The following MYPN variants were observed in gnomAD, a reference collection of about 807,000 sequenced individuals.
MYPN encodes the protein myopalladin, also known as sarcomeric protein myopalladin, 145 kDa (MYOP).
A neutral mutation model predicts 129.4 loss-of-function variants in MYPN; 63 were observed. The observed-to-expected ratio is 0.49, with a 90% CI of 0.40 to 0.60. The LOEUF (loss-of-function observed/expected upper bound fraction) is 0.60, where lower values mean the gene tolerates loss of function less well. MYPN is among the 20% of genes least tolerant of loss of function. The pLI is 0.00. For synonymous variants in MYPN, 629 were observed against 600.9 expected (o/e 1.05, Z -0.68); for missense variants, 1,596 against 1,635.4 (o/e 0.98, Z 0.42).
intron 18 of MYPN, 53 bp from the exon 19 acceptor site, chr10:68,206,717 A>G: frequency 6.2e-7 from 1 of 1,613,114 alleles, no homozygotes. Flanking sequence ...AAATTTGACA[A>G]AGGCATTTCT....
intron 2 of MYPN, among the ~76,000 whole-genome samples, chr10:68,138,754 C>T (rs940673953): frequency 3.3e-5 from 5 of 152,132 alleles, no homozygotes; most frequent in African/African-American, 1.2e-4. Flanking sequence ...AACTAGCATT[C>T]CCCTTGCTCC....
intron 18 of MYPN, among the ~76,000 whole-genome samples, chr10:68,204,460 G>A (rs948358307): frequency 6.6e-6 from 1 of 152,156 alleles, no homozygotes; most frequent in Non-Finnish European, 1.5e-5. Flanking sequence ...AGTGGCTTAC[G>A]CCTGTAATCC....
In MYPN at chr10:68,193,971, G is replaced by A. The variant is rs999058052; in HGVS notation, c.2926-392G>A. The stretch of plus-strand genomic sequence containing the variant: ...TAAGTGCTGAGATCTGCAACTGCAG[G>A]AAACTTGAGCTTGTAAATAAGGTAA... On this transcript the variant is annotated intron_variant, in intron 13 of 19. Transcript: ENST00000358913. Among the ~76,000 whole-genome samples, 5 of 150,422 alleles carry A rather than the reference G, an allele frequency of 3.3e-5. No individual in the cohort carries two copies. In the East Asian group the frequency reaches 9.8e-4, roughly 29 times the overall value.
At chr10:68,154,775 G>A (rs1297140970) in intron 6 of MYPN, among the ~76,000 whole-genome samples, 1 of 152,186 alleles carries the variant, frequency 6.6e-6, no homozygotes, top group East Asian at 1.9e-4. Context: ...CCAGCATTAT[G>A]TTTGTGGTTA....
intron 1 of MYPN, among the ~76,000 whole-genome samples, chr10:68,092,160 G>GA (rs1172012520): frequency 6.6e-6 from 1 of 152,064 alleles, no homozygotes; most frequent in African/African-American, 2.4e-5. Flanking sequence ...GAAAACTGGT[G>GA]AAAAAAATTT....
At chr10:68,122,959 A>G (rs1300927569) in intron 2 of MYPN, among the ~76,000 whole-genome samples, 1 of 152,132 alleles carries the variant, frequency 6.6e-6, no homozygotes, top group African/African-American at 2.4e-5. Context: ...CATATAACCA[A>G]TATAAGAATT....
At chr10:68,182,458 TATATAAC>T (rs1337802473) in intron 12 of MYPN, among the ~76,000 whole-genome samples, 1 of 107,614 alleles carries the variant, frequency 9.3e-6, no homozygotes, top group African/African-American at 3.8e-5. Flanking sequence ...ATAACATATA[TATATAAC>T]ATATATACAC....
In MYPN at chr10:68,121,949, A is replaced by G. The variant is rs1272870798; in HGVS notation, c.511A>G (p.Lys171Glu). Residue 171 changes from lysine (K) to glutamate (E), a missense_variant, in exon 2 of 20, where the codon AAA (lysine) becomes GAA (glutamate). Physicochemically the swap from Lys to Glu is moderately conservative, Grantham distance 56. Transcript: ENST00000358913. Reference sequence around the variant, plus strand: ...CTCCCTTTTCAAATCCCACAGCTCCAAAAGGATTAGACCTCGTGCCTGCAA... The same window carrying G: ...CTCCCTTTTCAAATCCCACAGCTCCGAAAGGATTAGACCTCGTGCCTGCAA... The part of the protein sequence containing the change: ...LSSLFKSHSS[K>E]RIRPRACKNH... 1.2e-6 allele frequency: 2 copies of G among 1,614,244 alleles called. No individual in the cohort carries two copies. Among genetic ancestry groups the G allele is most frequent in the Non-Finnish European group, 1.7e-6 (2 of 1,180,038 alleles).
intron 2 of MYPN, among the ~76,000 whole-genome samples, chr10:68,127,609 A>G (rs765138998): frequency 2.6e-5 from 4 of 151,968 alleles, no homozygotes; most frequent in Non-Finnish European, 5.9e-5. Context: ...CTGGGATTAC[A>G]GGTGTGAGCC....
intron 7 of MYPN, 50 bp downstream of exon 7, chr10:68,158,677 A>G (rs1322905745): frequency 7.0e-6 from 9 of 1,292,296 alleles, no homozygotes; most frequent in Middle Eastern, 1.9e-4. Flanking sequence ...TTATGAACTT[A>G]TTGTACACAC....
At chr10:68,151,235 G>A (rs1277063825) in intron 6 of MYPN, among the ~76,000 whole-genome samples, 1 of 152,208 alleles carries the variant, frequency 6.6e-6, no homozygotes, top group Non-Finnish European at 1.5e-5. Flanking sequence ...TCCATTTCAT[G>A]GGAGCTCTGC....
At position 68,158,242 on chromosome 10, in the gene MYPN, T is replaced by C. The variant is rs2042914397; in HGVS notation, c.1318-244T>C. The C allele has an allele frequency of 2.1e-5, 10 of 480,790 alleles. No homozygotes were observed. The East Asian group carries it at 3.8e-4, about 18-fold the overall frequency. The allele number at this position is 480,790 out of a possible 1,614,324, so 29.8% of individuals were successfully genotyped here. On this transcript the variant is annotated intron_variant, in intron 6 of 19. Coordinates refer to ENST00000358913, the MANE Select transcript of MYPN (RefSeq NM_032578.4). Reference sequence around the variant, plus strand: ...AGTGGAAGAAGATGACCATCCCTGATAGAGGAGGACCAATCTTAGGTCAAG... The same window carrying C: ...AGTGGAAGAAGATGACCATCCCTGACAGAGGAGGACCAATCTTAGGTCAAG...
upstream of MYPN, chr10:68,109,452 C>T (rs933438088): frequency 2.7e-5 from 12 of 451,480 alleles, no homozygotes; most frequent in African/African-American, 4.0e-5. Context: ...TTCACAGGCA[C>T]ATGGTTTATA....
At chr10:68,170,440 A>G (rs552058937) in intron 10 of MYPN, among the ~76,000 whole-genome samples, 21 of 152,200 alleles carry the variant, frequency 1.4e-4, no homozygotes, top group Admixed American at 5.9e-4. Flanking sequence ...ATACACATAC[A>G]CCACACCCTT....
In MYPN at chr10:68,211,016, A is replaced by G; in HGVS notation, c.*561A>G. 1 of 454,122 alleles carries G rather than the reference A, an allele frequency of 2.2e-6. No individual in the cohort carries two copies. The highest frequency in any genetic ancestry group is 4.4e-6 in the Non-Finnish European group (1 of 226,800). 28.1% of individuals were successfully genotyped at this position (454,122 alleles called of 1,614,324 possible). On this transcript the variant is annotated 3_prime_UTR_variant, in exon 20 of 20. Coordinates refer to ENST00000358913, the MANE Select transcript of MYPN (RefSeq NM_032578.4). ...ATGCGGGCAAACACTTTTGATTTGC[A>G]TATCCTGGGTGTACTGAGCCACATA...
At position 68,166,434 on chromosome 10, in the gene MYPN, G is replaced by A. The variant is rs1464184643; in HGVS notation, c.1741G>A (p.Val581Ile). Residue 581 changes from valine to isoleucine, a missense_variant, in exon 10 of 20, where the codon GTT becomes ATT. Val to Ile is a conservative substitution (Grantham distance 29). Coordinates refer to ENST00000358913, the MANE Select transcript of MYPN (RefSeq NM_032578.4). ...ACCCCCCAAACCCAAACTCGAGGGGGTTCTGGTGAACCACAATGAGCCCCG... is the reference window on the plus strand; with the variant it reads ...ACCCCCCAAACCCAAACTCGAGGGGATTCTGGTGAACCACAATGAGCCCCG... ...EQPPKPKLEGVLVNHNEPRSS... is the reference protein window; with the variant it reads ...EQPPKPKLEGILVNHNEPRSS... 1.9e-6 allele frequency: 3 copies of A among 1,614,068 alleles called. No individual in the cohort carries two copies. Among genetic ancestry groups the A allele is most frequent in the Non-Finnish European group, 2.5e-6 (3 of 1,180,028 alleles).
At chr10:68,190,243 GTGGCACAGTCT>G (rs1278818485) in intron 13 of MYPN, among the ~76,000 whole-genome samples, 1 of 152,172 alleles carries the variant, frequency 6.6e-6, no homozygotes, top group Non-Finnish European at 1.5e-5. Context: ...CTGGAGTGTG[GTGGCACAGTCT>G]TGGCTCACTG....
chr10:68,172,043 C>A (rs1362026620), intron 10 of MYPN, among the ~76,000 whole-genome samples: 1 of 152,152 alleles, frequency 6.6e-6, no homozygotes, highest in African/African-American at 2.4e-5. Context: ...GTCTTTGTGT[C>A]CCAAAAGCAA....
chr10:68,141,508 C>A (rs2042578685), intron 2 of MYPN, among the ~76,000 whole-genome samples: 1 of 143,896 alleles, frequency 6.9e-6, no homozygotes, highest in Non-Finnish European at 1.6e-5. Flanking sequence ...AGTTATTATA[C>A]CTCCCACTTA....
Sources: gnomAD v4.1 joint callset for allele counts (sites outside exome capture counted in the v4.1 genomes callset) on GRCh38, gnomAD v4.1.1 for gene constraint, MANE v1.5 for transcripts, NCBI Gene and HGNC (gene_info 2026-07-23, HGNC 2026-07-21) for gene names.